The following GNPTG variants were observed in gnomAD, a reference collection of about 807,000 sequenced individuals.
The protein encoded by GNPTG is N-acetylglucosamine-1-phosphotransferase subunit gamma.
In GNPTG, 46 loss-of-function variants were observed where a neutral mutation model predicts 43.8. That is an observed-to-expected ratio of 1.05 (90% CI 0.83 to 1.34). The LOEUF is 1.34. Among genes scored for constraint, GNPTG ranks in the 40% most tolerant of loss-of-function variants. The probability of loss-of-function intolerance (pLI) is 0.00; values close to 1 mark genes in which losing one functional copy is unlikely to be tolerated. For synonymous variants in GNPTG, 250 were observed against 172.8 expected (o/e 1.45, Z -3.50); for missense variants, 549 against 411.3 (o/e 1.33, Z -2.90).
intron 3 of GNPTG, among the ~76,000 whole-genome samples, chr16:1,356,231 C>T (rs939905479): frequency 6.6e-6 from 1 of 152,134 alleles, no homozygotes; most frequent in African/African-American, 2.4e-5. Flanking sequence ...GGACAGCTGG[C>T]AGTAAGGCCA....
At chr16:1,353,714 G>A (rs1449442327) in intron 3 of GNPTG, among the ~76,000 whole-genome samples, 1 of 152,034 alleles carries the variant, frequency 6.6e-6, no homozygotes, top group Admixed American at 6.6e-5. Context: ...TGTAGAGATG[G>A]AAGTCTCACT....
intron 3 of GNPTG, among the ~76,000 whole-genome samples, chr16:1,354,479 G>A (rs2034736997): frequency 6.6e-6 from 1 of 151,224 alleles, no homozygotes; most frequent in Non-Finnish European, 1.5e-5. Context: ...CCAGCTGCTT[G>A]GGAGGCCGAG....
chr16:1,361,269 T>G (rs1200658373), intron 3 of GNPTG: 2 of 189,088 alleles, frequency 1.1e-5, no homozygotes, highest in Non-Finnish European at 2.2e-5. Flanking sequence ...GGGCTATTTT[T>G]AGAATTCTCG....
rs761299690 is a variant in GNPTG, at chr16:1,362,841, C to A, written c.758C>A (p.Ser253Ter). 1.6e-4 allele frequency: 266 copies of A among 1,613,770 alleles called. No individual in the cohort carries two copies. The highest frequency in any genetic ancestry group is 2.2e-4 in the Non-Finnish European group (255 of 1,180,004). Residue 253 changes from serine to a stop codon, truncating the protein, a stop_gained, in exon 10 of 11, where the codon TCA becomes TAA. Transcript: ENST00000204679. LOFTEE classifies it high-confidence loss of function. ...GGTTGGTAGGCTCATAAAGAACTCT[C>A]AAAGGAGATCAAAAGGCTGAAAGGT... ...ENCRKAHKEL[S>*]KEIKRLKGLL...
Position 1,362,635 on chromosome 16 carries a change from CTT to C in GNPTG, c.638_639del (p.Phe213Ter), listed in dbSNP as rs193302858. 6 of 1,614,040 alleles carry C rather than the reference CTT, an allele frequency of 3.7e-6. No individual in the cohort carries two copies. The African/African-American group carries it at 6.7e-5, about 18-fold the overall frequency. On this transcript the variant is annotated frameshift_variant, in exon 9 of 11. Transcript: ENST00000204679. LOFTEE classifies it high-confidence loss of function. ...PQGHEKLLRTLFEDAGYLKTP... is the reference protein window; with the variant it reads ...PQGHEKLLRTXFEDAGYLKTP... The stretch of plus-strand genomic sequence containing the variant: ...GGGCCATGAGAAGTTGCTGAGGACA[CTT>C]TTTGAGGATGCTGGCTACTTAAAGA...
chr16:1,361,176 A>G, intron 3 of GNPTG: 1 of 158,498 alleles, frequency 6.3e-6, no homozygotes, highest in Non-Finnish European at 1.4e-5. Context: ...CCTGGCCTCA[A>G]GCAATCTTCC....
intron 3 of GNPTG, among the ~76,000 whole-genome samples, chr16:1,356,864 A>G (rs2034785258): frequency 6.6e-6 from 1 of 151,594 alleles, no homozygotes; most frequent in Non-Finnish European, 1.5e-5. Context: ...GGAGTGTGAG[A>G]GCGGGAATCT....
At chr16:1,356,560 G>A (rs998417178) in intron 3 of GNPTG, among the ~76,000 whole-genome samples, 2 of 152,188 alleles carry the variant, frequency 1.3e-5, no homozygotes, top group African/African-American at 4.8e-5. Context: ...GGGGTACTGG[G>A]CACTGCCAGT....
chr16:1,356,851 G>GC (rs1433033390), intron 3 of GNPTG, among the ~76,000 whole-genome samples: 2 of 152,140 alleles, frequency 1.3e-5, no homozygotes, highest in African/African-American at 4.8e-5. Context: ...CACCCTCCCA[G>GC]CGGGAGTGTG....
At chr16:1,352,079 G>A in intron 1 of GNPTG, 23 bp from the exon 2 acceptor site, 1 of 1,549,758 alleles carries the variant, frequency 6.5e-7, no homozygotes, top group South Asian at 1.2e-5. Context: ...CGGCCTCCCC[G>A]CTCACGGTCT....
rs759771367 is a variant in GNPTG at position 1,362,286 on chromosome 16, G to A, written c.492G>A (p.Glu164=). The change falls in exon 7 of 11, where the codon GAG becomes GAA. Residue 164 remains glutamate (E), a synonymous_variant. Transcript: ENST00000204679. ...PSTCVYALTF[E]TPLVCHPHAL... The stretch of plus-strand genomic sequence containing the variant: ...CCTGCGTCTACGCGCTGACGTTCGA[G>A]ACCCCCCTCGTCTGCCACCCCCACG... 3.7e-6 allele frequency: 6 copies of A among 1,613,332 alleles called. No homozygotes were observed. In the South Asian group the frequency reaches 5.5e-5, roughly 15 times the overall value.
At chr16:1,353,294 G>A (rs2034717543) in intron 3 of GNPTG, among the ~76,000 whole-genome samples, 1 of 152,132 alleles carries the variant, frequency 6.6e-6, no homozygotes, top group African/African-American at 2.4e-5. Flanking sequence ...TTTTATTATC[G>A]AATACCTTTA....
intron 7 of GNPTG, 43 bp from the exon 8 acceptor site, chr16:1,362,409 G>C (rs754601335): frequency 6.2e-7 from 1 of 1,612,122 alleles, no homozygotes; most frequent in East Asian, 2.2e-5. Flanking sequence ...GCCAGGGTTG[G>C]GACATGGGGT....
At chr16:1,354,487 G>A (rs2034737054) in intron 3 of GNPTG, among the ~76,000 whole-genome samples, 1 of 149,210 alleles carries the variant, frequency 6.7e-6, no homozygotes, top group Non-Finnish European at 1.5e-5. Context: ...TTGGGAGGCC[G>A]AGGCTGGAGA....
Position 1,363,115 on chromosome 16 carries a change from G to A in GNPTG, c.*24G>A, listed in dbSNP as rs1567186260. 2 of 1,606,454 alleles carry A rather than the reference G, an allele frequency of 1.2e-6. No homozygotes were observed. The highest frequency in any genetic ancestry group is 1.7e-6 in the Non-Finnish European group (2 of 1,175,404). ...GACCTTGTGGTGGGAGAGCAGAGGT[G>A]GACGCGGCCGAGAGCCCTACAGAGA... On this transcript the variant is annotated 3_prime_UTR_variant, in exon 11 of 11. Coordinates refer to ENST00000204679, the MANE Select transcript of GNPTG (RefSeq NM_032520.5).
intron 3 of GNPTG, among the ~76,000 whole-genome samples, chr16:1,357,097 G>A (rs776157205): frequency 8.7e-4 from 132 of 152,268 alleles, no homozygotes; most frequent in Non-Finnish European, 1.2e-3. Flanking sequence ...CCCAGGCTGT[G>A]GGACAGCAGG....
intron 3 of GNPTG, among the ~76,000 whole-genome samples, chr16:1,360,150 G>A (rs1007922847): frequency 6.6e-6 from 1 of 151,808 alleles, no homozygotes; most frequent in Non-Finnish European, 1.5e-5. Flanking sequence ...TCAGCTTTAT[G>A]TAGTGGGTGG....
In GNPTG at chr16:1,362,744, T is replaced by G. The variant is rs2034930619; in HGVS notation, c.741+2T>G. ...GAGACCCTGGAAAACTGCAGGAAGG[T>G]ACCGTATTGGGGGGAGGTGGTGGCA... On this transcript the variant is annotated splice_donor_variant, in intron 9 of 10. Transcript: ENST00000204679. LOFTEE classifies it high-confidence loss of function. 3 of 1,614,034 alleles carry G rather than the reference T, an allele frequency of 1.9e-6. No homozygotes were observed. Among genetic ancestry groups the G allele is most frequent in the Non-Finnish European group, 1.7e-6 (2 of 1,179,988 alleles).
intron 3 of GNPTG, among the ~76,000 whole-genome samples, chr16:1,359,510 C>T (rs909545120): frequency 3.9e-5 from 6 of 152,128 alleles, no homozygotes; most frequent in South Asian, 4.1e-4. Context: ...CTTCGTGATC[C>T]GTCTGCCTCG....
Sources: gnomAD v4.1 joint callset for allele counts (sites outside exome capture counted in the v4.1 genomes callset) on GRCh38, gnomAD v4.1.1 for gene constraint, MANE v1.5 for transcripts, NCBI Gene and HGNC (gene_info 2026-07-23, HGNC 2026-07-21) for gene names.